The following FCHO2 variants were observed in gnomAD, a reference collection of about 807,000 sequenced individuals.
FCHO2 encodes FCH and mu domain containing endocytic adaptor 2.
A neutral mutation model predicts 114.1 loss-of-function variants in FCHO2; 43 were observed. That is an observed-to-expected ratio of 0.38 (90% CI 0.30 to 0.49). The LOEUF (loss-of-function observed/expected upper bound fraction) is 0.49. Among genes scored for constraint, FCHO2 ranks in the 20% least tolerant of loss-of-function variants. The pLI, the probability that FCHO2 is intolerant of heterozygous loss-of-function variation, is 0.97. For synonymous variants in FCHO2, 293 were observed against 315.2 expected, an observed-to-expected ratio of 0.93 and a Z score of 0.75; for missense variants, 807 against 950.4, an observed-to-expected ratio of 0.85 and a Z score of 1.98.
intron 5 of FCHO2, among the ~76,000 whole-genome samples, chr5:72,995,546 C>A (rs2112681835): frequency 6.6e-6 from 1 of 152,234 alleles, no homozygotes; most frequent in African/African-American, 2.4e-5. Flanking sequence ...CCATGCCTGG[C>A]TTGAAACTGG....
At chr5:72,984,232 C>G (rs1246711976) in intron 2 of FCHO2, among the ~76,000 whole-genome samples, 1 of 152,160 alleles carries the variant, frequency 6.6e-6, no homozygotes, top group Non-Finnish European at 1.5e-5. Flanking sequence ...GGTCTAAACA[C>G]AATTTGGTGG....
chr5:72,971,200 C>A (rs1036327492), intron 2 of FCHO2, among the ~76,000 whole-genome samples: 3 of 152,066 alleles, frequency 2.0e-5, no homozygotes, highest in African/African-American at 7.2e-5. Flanking sequence ...ATTTATAGTC[C>A]TTTGGGTATA....
chr5:73,050,294 C>CTATTTATTTATT (rs3054232), intron 11 of FCHO2, among the ~76,000 whole-genome samples: 1,651 of 123,568 alleles, frequency 0.013, 11 homozygotes, highest in East Asian at 0.025. Flanking sequence ...TAGCTTTCTG[C>CTATTTATTTATT]TATTTATTTA....
intron 8 of FCHO2, chr5:73,021,023 C>G: frequency 1.6e-6 from 2 of 1,273,564 alleles, no homozygotes; most frequent in Non-Finnish European, 2.3e-6. Context: ...TGGAAATGAG[C>G]CAAAGTTCAC....
chr5:72,957,046 G>T (rs761647089), intron 1 of FCHO2, among the ~76,000 whole-genome samples: 1 of 152,092 alleles, frequency 6.6e-6, no homozygotes, highest in Non-Finnish European at 1.5e-5. Context: ...ATTTAAAGGG[G>T]TAATCTTTTA....
chr5:73,023,072 A>G (rs544363230), intron 8 of FCHO2, among the ~76,000 whole-genome samples: 3 of 152,300 alleles, frequency 2.0e-5, no homozygotes, highest in African/African-American at 7.2e-5. Context: ...TGGTCAGCAT[A>G]GGTCACATGC....
chr5:73,077,558 A>G, intron 21 of FCHO2, 65 bp downstream of exon 21: 1 of 1,489,340 alleles, frequency 6.7e-7, no homozygotes, highest in Non-Finnish European at 9.0e-7. Context: ...TGCTGTGCAC[A>G]GTGGCTCACG....
Position 72,990,671 on chromosome 5 carries a change from T to C in FCHO2, c.343-41T>C, listed in dbSNP as rs186715628. The C allele has an allele frequency of 3.9e-6, 6 of 1,536,210 alleles. No individual in the cohort carries two copies. The East Asian group carries it at 7.2e-5, about 18-fold the overall frequency. ...TTGATTGGTCAGATATTGAATACTT[T>C]ATAGTTCAGTCATTTTGATGGATCA... On this transcript the variant is annotated intron_variant, in intron 4 of 25. Transcript: ENST00000430046.
At position 73,027,303 on chromosome 5, in the gene FCHO2, A is replaced by G. The variant is rs182581578; in HGVS notation, c.797-7354A>G. Among the ~76,000 whole-genome samples the G allele has an allele frequency of 3.3e-3, 501 of 151,438 alleles. 2 individuals are homozygous for G. Among genetic ancestry groups the G allele is most frequent in the African/African-American group, 0.011 (471 of 41,384 alleles). On this transcript the variant is annotated intron_variant, in intron 8 of 25. Coordinates refer to ENST00000430046, the MANE Select transcript of FCHO2 (RefSeq NM_138782.3). ...TACTTTATGCTATTTATAATTCATA[A>G]AAGTTCAGCAGGTTTCCATTTATAT...
intron 5 of FCHO2, among the ~76,000 whole-genome samples, chr5:73,000,341 T>C (rs1358895075): frequency 1.3e-5 from 2 of 151,554 alleles, no homozygotes; most frequent in African/African-American, 4.9e-5. Context: ...TATGGTGGTG[T>C]GTGCCTATAA....
At chr5:73,024,636 A>C (rs1484303306) in intron 8 of FCHO2, among the ~76,000 whole-genome samples, 4 of 150,704 alleles carry the variant, frequency 2.7e-5, no homozygotes, top group Admixed American at 1.3e-4. Flanking sequence ...ACGGGGTTTC[A>C]CCATATTAGC....
intron 11 of FCHO2, among the ~76,000 whole-genome samples, chr5:73,048,417 C>T (rs1479951831): frequency 6.6e-6 from 1 of 151,980 alleles, no homozygotes; most frequent in South Asian, 2.1e-4. Context: ...TGCACTCCAG[C>T]CTGGGTGACA....
Position 73,089,559 on chromosome 5 carries a change from A to G in FCHO2, c.*1469A>G, listed in dbSNP as rs1344126561. On this transcript the variant is annotated 3_prime_UTR_variant, in exon 26 of 26. Coordinates refer to ENST00000430046, the MANE Select transcript of FCHO2 (RefSeq NM_138782.3). Reference sequence around the variant, plus strand: ...TAACTTTAGTAGCAAATCTTGATTAATTGAAGAAATAAAATATTTCGGATA... The same window carrying G: ...TAACTTTAGTAGCAAATCTTGATTAGTTGAAGAAATAAAATATTTCGGATA... 1 of 152,544 alleles carries G rather than the reference A, an allele frequency of 6.6e-6. No individual in the cohort carries two copies. Among genetic ancestry groups the G allele is most frequent in the Non-Finnish European group, 1.5e-5 (1 of 67,944 alleles). 9.4% of individuals were successfully genotyped at this position (152,544 alleles called of 1,614,324 possible).
rs748810492 is a variant in FCHO2 at position 73,074,815 on chromosome 5, A to G, written c.1653A>G (p.Glu551=). 1.2e-6 allele frequency: 2 copies of G among 1,612,902 alleles called. No homozygotes were observed. The highest frequency in any genetic ancestry group is 1.7e-5 in the Admixed American group (1 of 59,836). Residue 551 remains glutamate, a synonymous_variant, in exon 20 of 26, where the codon GAA becomes GAG. Coordinates refer to ENST00000430046, the MANE Select transcript of FCHO2 (RefSeq NM_138782.3). ...DTLPVAVALT[E]SVNAYFKGAD... ...TACCTGTGGCAGTTGCCCTTACAGA[A>G]TCTGTTAATGCCTACTTTAAAGGAG...
chr5:73,043,117 G>A (rs1412083805), intron 11 of FCHO2, among the ~76,000 whole-genome samples: 1 of 148,328 alleles, frequency 6.7e-6, no homozygotes, highest in African/African-American at 2.5e-5. Flanking sequence ...TTTTTTTTTT[G>A]GTAGAGTTGG....
At position 72,983,080 on chromosome 5, in the gene FCHO2, A is replaced by G. The variant is rs540417385; in HGVS notation, c.126-6347A>G. Among the ~76,000 whole-genome samples, 56 of 151,768 alleles carry G rather than the reference A, an allele frequency of 3.7e-4. 1 individual carries two copies. In the South Asian group the frequency reaches 0.011, roughly 31 times the overall value. Reference sequence around the variant, plus strand: ...AGGCACCCGCCACCACACCCGGCTAATTTTTGTATTTTTAGTAGAGACGGG... The same window carrying G: ...AGGCACCCGCCACCACACCCGGCTAGTTTTTGTATTTTTAGTAGAGACGGG... On this transcript the variant is annotated intron_variant, in intron 2 of 25. Coordinates refer to ENST00000430046, the MANE Select transcript of FCHO2 (RefSeq NM_138782.3).
At chr5:72,964,926 C>T (rs1752108696) in intron 1 of FCHO2, among the ~76,000 whole-genome samples, 2 of 152,022 alleles carry the variant, frequency 1.3e-5, no homozygotes, top group African/African-American at 4.8e-5. Flanking sequence ...GTATGCGAAT[C>T]ATCCCTTTGT....
chr5:73,054,237 C>A, intron 14 of FCHO2, 66 bp downstream of exon 14: 2 of 1,310,872 alleles, frequency 1.5e-6, no homozygotes, highest in South Asian at 1.5e-5. Flanking sequence ...GGAAGATTGA[C>A]TTTCAAAATA....
At chr5:72,973,031 C>G (rs1253917420) in intron 2 of FCHO2, among the ~76,000 whole-genome samples, 3 of 152,146 alleles carry the variant, frequency 2.0e-5, no homozygotes, top group Non-Finnish European at 2.9e-5. Flanking sequence ...TTGAACCAGC[C>G]TTGCATCCCA....
Sources: gnomAD v4.1 joint callset for allele counts (sites outside exome capture counted in the v4.1 genomes callset) on GRCh38, gnomAD v4.1.1 for gene constraint, MANE v1.5 for transcripts, NCBI Gene and HGNC (gene_info 2026-07-23, HGNC 2026-07-21) for gene names.